The following TLK2 variants were observed in gnomAD, a reference collection of about 807,000 sequenced individuals.
TLK2 encodes the protein tousled like kinase 2.
In TLK2, 6 loss-of-function variants were observed where a neutral mutation model predicts 117.3. The ratio of observed to expected loss-of-function variants is 0.05; its 90% CI spans 0.03 to 0.10. The LOEUF is 0.10. Ranked by LOEUF, TLK2 falls within the 10% of genes least tolerant of loss-of-function variation. TLK2 has a pLI of 1.00. For missense variants in TLK2, 299 were observed against 901.2 expected (o/e 0.33, Z 8.56); for synonymous variants, 257 against 316.7 (o/e 0.81, Z 2.00).
rs1284310066 is a variant in TLK2 at position 62,614,116 on chromosome 17, T to G, written c.*1551T>G. The stretch of plus-strand genomic sequence containing the variant: ...TCCAGCCTAGGCAACAGAATGAGAC[T>G]CTGTCTCAGAAAAAAAAAAAAAAAA... On this transcript the variant is annotated 3_prime_UTR_variant, in exon 22 of 22. Transcript: ENST00000346027. 5.1e-5 allele frequency: 7 copies of G among 136,480 alleles called. No individual in the cohort carries two copies. The highest frequency in any genetic ancestry group is 1.1e-4 in the Non-Finnish European group (7 of 65,442). The allele number at this position is 136,480 out of a possible 1,614,324, so 8.5% of individuals were successfully genotyped here. A position where few individuals can be genotyped will look rare whatever the true frequency, so the allele number is the denominator to read the frequency against.
At chr17:62,575,233 T>C (rs1316814515) in intron 12 of TLK2, among the ~76,000 whole-genome samples, 1 of 152,232 alleles carries the variant, frequency 6.6e-6, no homozygotes, top group African/African-American at 2.4e-5. Context: ...AGTTTTTAAT[T>C]AGAGTATCTG....
At chr17:62,527,982 C>T (rs1037988368) in intron 6 of TLK2, among the ~76,000 whole-genome samples, 3 of 152,132 alleles carry the variant, frequency 2.0e-5, no homozygotes, top group African/African-American at 4.8e-5. Flanking sequence ...ACCTCGTGAT[C>T]CGCCCGCCTC....
chr17:62,586,999 TCA>T (rs563518069), intron 16 of TLK2, among the ~76,000 whole-genome samples: 54 of 152,116 alleles, frequency 3.5e-4, no homozygotes, highest in Middle Eastern at 6.8e-3. Context: ...CTCCTCCCGG[TCA>T]CAGTTTGCCC....
intron 15 of TLK2, chr17:62,585,812 AG>A (rs779372019): frequency 3.1e-5 from 6 of 194,770 alleles, no homozygotes; most frequent in Non-Finnish European, 6.3e-5. Flanking sequence ...AGACAACCTA[AG>A]GCAGACGGGT....
Position 62,612,757 on chromosome 17 carries a change from C to T in TLK2, c.*192C>T, listed in dbSNP as rs2083896478. 1 of 453,402 alleles carries T rather than the reference C, an allele frequency of 2.2e-6. No individual in the cohort carries two copies. The highest frequency in any genetic ancestry group is 3.8e-6 in the Non-Finnish European group (1 of 266,204). The allele number at this position is 453,402 out of a possible 1,614,324, so 28.1% of individuals were successfully genotyped here. ...CATTGAGGAGAAACCTTGGGCAGCTCCGGCCAGGCCTTGTAGGAAAAGGCC... is the reference window on the plus strand; with the variant it reads ...CATTGAGGAGAAACCTTGGGCAGCTTCGGCCAGGCCTTGTAGGAAAAGGCC... On this transcript the variant is annotated 3_prime_UTR_variant, in exon 22 of 22. Transcript: ENST00000346027.
intron 15 of TLK2, among the ~76,000 whole-genome samples, chr17:62,583,857 G>A (rs2081395531): frequency 1.3e-5 from 2 of 152,132 alleles, no homozygotes; most frequent in South Asian, 4.1e-4. Flanking sequence ...GATTACAGGT[G>A]TGAGCCACCA....
At chr17:62,551,312 C>T (rs1261741415) in intron 7 of TLK2, among the ~76,000 whole-genome samples, 2 of 152,178 alleles carry the variant, frequency 1.3e-5, no homozygotes, top group Non-Finnish European at 2.9e-5. Flanking sequence ...GATAGTAGTA[C>T]TGTATTTTTA....
Position 62,527,723 on chromosome 17 carries a change from G to A in TLK2, c.363+3392G>A, listed in dbSNP as rs577540300. Among the ~76,000 whole-genome samples, 104 of 151,740 alleles carry A rather than the reference G, an allele frequency of 6.9e-4. 1 individual carries two copies. Among genetic ancestry groups the A allele is most frequent in the African/African-American group, 2.4e-3 (101 of 41,444 alleles). ...ATTTTAATTTTGTACTATATAATTA[G>A]TTAATTGCCCATCTTCCGACTAGAT... On this transcript the variant is annotated intron_variant, in intron 6 of 21. Transcript: ENST00000346027.
chr17:62,497,297 T>C (rs539600221), intron 2 of TLK2, among the ~76,000 whole-genome samples: 1 of 152,220 alleles, frequency 6.6e-6, no homozygotes, highest in South Asian at 2.1e-4. Context: ...TGACTCAAAA[T>C]AGGTTAAAGA....
intron 2 of TLK2, among the ~76,000 whole-genome samples, chr17:62,495,962 G>A (rs1335290661): frequency 1.3e-5 from 2 of 151,776 alleles, no homozygotes; most frequent in Non-Finnish European, 2.9e-5. Flanking sequence ...CACCATGCCT[G>A]GCCCCAAAAT....
chr17:62,488,261 A>C (rs2072700911), intron 2 of TLK2, among the ~76,000 whole-genome samples: 1 of 152,156 alleles, frequency 6.6e-6, no homozygotes, highest in African/African-American at 2.4e-5. Flanking sequence ...ATCTTTTATA[A>C]ATTTTTAAGT....
At chr17:62,610,784 G>GC (rs2083693352) in intron 21 of TLK2, among the ~76,000 whole-genome samples, 1 of 152,160 alleles carries the variant, frequency 6.6e-6, no homozygotes, top group Non-Finnish European at 1.5e-5. Context: ...TTTAATCAGG[G>GC]CAACTATGTG....
At chr17:62,552,427 G>A (rs759231991) in intron 8 of TLK2, 30 bp downstream of exon 8, 4 of 1,613,870 alleles carry the variant, frequency 2.5e-6, no homozygotes, top group African/African-American at 2.7e-5. Flanking sequence ...TCAATTGAGG[G>A]GCATACCTGC....
chr17:62,521,066 C>G (rs991800336), intron 3 of TLK2, among the ~76,000 whole-genome samples: 4 of 152,068 alleles, frequency 2.6e-5, no homozygotes, highest in African/African-American at 9.7e-5. Flanking sequence ...ACTTGGAGGT[C>G]GGAGGATCGT....
chr17:62,508,038 T>C (rs1271012109), intron 2 of TLK2, among the ~76,000 whole-genome samples: 7 of 152,152 alleles, frequency 4.6e-5, no homozygotes, highest in South Asian at 2.1e-4. Context: ...TTAAATGTTG[T>C]CATAGACAAT....
intron 6 of TLK2, among the ~76,000 whole-genome samples, chr17:62,527,198 G>A (rs542995156): frequency 6.6e-6 from 1 of 152,274 alleles, no homozygotes; most frequent in Non-Finnish European, 1.5e-5. Flanking sequence ...CCTTAGCTAA[G>A]CGGTCTCCCT....
At chr17:62,509,751 G>T (rs1483333494) in intron 2 of TLK2, among the ~76,000 whole-genome samples, 1 of 152,154 alleles carries the variant, frequency 6.6e-6, no homozygotes, top group Non-Finnish European at 1.5e-5. Context: ...GCTTGATGGC[G>T]TAACCTTGTC....
intron 2 of TLK2, among the ~76,000 whole-genome samples, chr17:62,487,880 C>T (rs2072633650): frequency 6.6e-6 from 1 of 151,718 alleles, no homozygotes; most frequent in African/African-American, 2.4e-5. Flanking sequence ...ACCTCGGCCT[C>T]CCAAAGTGCT....
chr17:62,586,328 T>C (rs1447777422), intron 16 of TLK2, 102 bp downstream of exon 16: 8 of 796,838 alleles, frequency 1.0e-5, no homozygotes, highest in Non-Finnish European at 1.4e-5. Context: ...TTTTGTTTTA[T>C]GTAATCTTCA....
Sources: allele counts gnomAD v4.1 joint callset (sites outside exome capture counted in the v4.1 genomes callset), GRCh38; gene constraint gnomAD v4.1.1; transcripts MANE v1.5; gene names NCBI Gene and HGNC (gene_info 2026-07-23, HGNC 2026-07-21).